AGAP1: variants seen among roughly 807,000 people sequenced by gnomAD.
The protein encoded by AGAP1 is arf-GAP with GTPase, ANK repeat and PH domain-containing protein 1.
In AGAP1, 29 loss-of-function variants were observed where a neutral mutation model predicts 105.3. The observed-to-expected ratio is 0.28, with a 90% CI of 0.21 to 0.38. AGAP1 has a LOEUF of 0.38. AGAP1 is among the 10% of genes least tolerant of loss of function. The pLI is 1.00. For synonymous variants in AGAP1, 509 were observed against 485.9 expected (o/e 1.05, Z -0.63); for missense variants, 998 against 1,165.1 (o/e 0.86, Z 2.09).
intron 16 of AGAP1, among the ~76,000 whole-genome samples, chr2:236,065,081 G>A (rs947779951): frequency 3.3e-5 from 5 of 152,244 alleles, no homozygotes; most frequent in Admixed American, 6.5e-5. Context: ...TGCTGGAGAG[G>A]TGAGGCAGAT....
chr2:236,116,413 A>C lies in AGAP1; in HGVS notation c.2115-3779A>C, dbSNP rs528074961. On this transcript the variant is annotated intron_variant, in intron 16 of 17. Coordinates refer to ENST00000304032, the MANE Select transcript of AGAP1 (RefSeq NM_001037131.3). ...CGCCCACGCTGGAGTGCAGTGACGC[A>C]GTCTTGGCTCACTGCAACCTCTGCC... is the stretch of plus-strand genomic sequence containing the variant. Among the ~76,000 whole-genome samples, 4 of 146,314 alleles carry C rather than the reference A, an allele frequency of 2.7e-5. No individual in the cohort carries two copies. The South Asian group carries it at 6.6e-4, about 24-fold the overall frequency.
chr2:235,505,625 A>G (rs1214064354), intron 1 of AGAP1: 1 of 152,192 alleles, frequency 6.6e-6, no homozygotes, highest in Non-Finnish European at 1.5e-5. Flanking sequence ...CCCAGGAGCC[A>G]CTGATACAGG....
intron 9 of AGAP1, among the ~76,000 whole-genome samples, chr2:235,810,840 T>C (rs1409788536): frequency 6.7e-6 from 1 of 150,344 alleles, no homozygotes; most frequent in African/African-American, 2.5e-5. Context: ...TTTCTTTTTT[T>C]TTTTTTTTTT....
chr2:236,113,105 G>A lies in AGAP1; in HGVS notation c.2115-7087G>A, dbSNP rs989668684. On this transcript the variant is annotated intron_variant, in intron 16 of 17. Transcript: ENST00000304032. The surrounding 1 kb of genome is among the most constrained non-coding windows in gnomAD (Gnocchi z 4.3). ...CCCAAAATACGGCCACCACTCTGCC[G>A]TCACGTGTGCATCTTGTTCCACATT... Among the ~76,000 whole-genome samples, 25 of 152,194 alleles carry A rather than the reference G, an allele frequency of 1.6e-4. No individual in the cohort carries two copies. The highest frequency in any genetic ancestry group is 8.5e-4 in the Admixed American group (13 of 15,276).
chr2:235,816,147 G>A (rs1010036630), intron 9 of AGAP1, among the ~76,000 whole-genome samples: 2 of 152,196 alleles, frequency 1.3e-5, no homozygotes, highest in African/African-American at 4.8e-5. Context: ...ATTACTGAAA[G>A]AAAGATACAG....
In AGAP1 at chr2:236,092,030, G is replaced by A. The variant is rs77849254; in HGVS notation, c.2115-28162G>A. 7.8e-3 allele frequency among the ~76,000 whole-genome samples: 1,182 copies of A among 152,306 alleles called. 10 individuals carry two copies. Among genetic ancestry groups the A allele is most frequent in the Non-Finnish European group, 0.01 (713 of 68,034 alleles). On this transcript the variant is annotated intron_variant, in intron 16 of 17. Transcript: ENST00000304032. The surrounding 1 kb of genome is among the most constrained non-coding windows in gnomAD (Gnocchi z 4.7). Reference sequence around the variant, plus strand: ...AAAAAAGCCTGTCCCAAAAGATTACGTGCTGTAGGATTCCATTTATGTATC... The same window carrying A: ...AAAAAAGCCTGTCCCAAAAGATTACATGCTGTAGGATTCCATTTATGTATC...
chr2:235,910,926 AATCT>A (rs1258390645), intron 11 of AGAP1, among the ~76,000 whole-genome samples: 1 of 152,126 alleles, frequency 6.6e-6, no homozygotes, highest in African/African-American at 2.4e-5. Flanking sequence ...AAAAAAAAAA[AATCT>A]ATCAAGCACC....
intron 13 of AGAP1, among the ~76,000 whole-genome samples, chr2:235,969,081 A>T (rs1291568432): frequency 6.6e-6 from 1 of 152,224 alleles, no homozygotes; most frequent in Non-Finnish European, 1.5e-5. Context: ...GCAACGTGTT[A>T]TGATAAACAC....
intron 11 of AGAP1, among the ~76,000 whole-genome samples, chr2:235,923,476 G>A (rs2125114685): frequency 6.6e-6 from 1 of 152,234 alleles, no homozygotes; most frequent in African/African-American, 2.4e-5. Context: ...GCAGCAGGTA[G>A]CCAGCCCTCA....
rs747609712 is a variant in AGAP1 at position 236,049,139 on chromosome 2, C to G, written c.1972C>G (p.Leu658Val). 6.2e-7 allele frequency: 1 copy of G among 1,614,240 alleles called. No homozygotes were observed. The highest frequency in any genetic ancestry group is 1.3e-5 in the African/African-American group (1 of 75,064). The change falls in exon 16 of 18, where the codon CTT (leucine) becomes GTT (valine). Residue 658 changes from leucine to valine, a missense_variant. By Grantham distance (32) the Leu-to-Val change is conservative. Transcript: ENST00000304032. ...SGIHRNLGTH[L>V]SRVRSLDLDD... Reference sequence around the variant, plus strand: ...GATCCACCGGAATCTTGGCACCCACCTTTCCCGAGTCCGATCTCTGGACCT... The same window carrying G: ...GATCCACCGGAATCTTGGCACCCACGTTTCCCGAGTCCGATCTCTGGACCT...
At chr2:236,007,088 G>GA in intron 13 of AGAP1, among the ~76,000 whole-genome samples, 1 of 502 alleles carries the variant, frequency 2.0e-3, no homozygotes, top group East Asian at 0.25. Flanking sequence ...TTTAAAGGAA[G>GA]GATTTCCATA....
chr2:235,912,111 G>A (rs139980530), intron 11 of AGAP1, among the ~76,000 whole-genome samples: 84 of 152,332 alleles, frequency 5.5e-4, no homozygotes, highest in African/African-American at 1.9e-3. Context: ...AGGCACTTCT[G>A]TAAGAGGAAG....
In AGAP1 at chr2:236,008,659, G is replaced by A. The variant is rs10183525; in HGVS notation, c.1646-27902G>A. Among the ~76,000 whole-genome samples the A allele has an allele frequency of 8.2e-3, 1,249 of 152,242 alleles. 13 individuals carry two copies. The highest frequency in any genetic ancestry group is 0.029 in the African/African-American group (1,185 of 41,528). On this transcript the variant is annotated intron_variant, in intron 13 of 17. Transcript: ENST00000304032. ...ACTTCTGGTTTTATTGCATATCCTG[G>A]AGGTCTTGCTTCGTTTTTATTTTCC... is the stretch of plus-strand genomic sequence containing the variant.
intron 6 of AGAP1, among the ~76,000 whole-genome samples, chr2:235,790,407 C>T (rs1030507999): frequency 9.9e-5 from 15 of 152,066 alleles, no homozygotes; most frequent in Admixed American, 9.2e-4. Flanking sequence ...CTCGGGAAAC[C>T]GCTGGAACCA....
rs2052086588 is a variant in AGAP1, at chr2:235,919,843, C to T, written c.1325-10922C>T. On this transcript the variant is annotated intron_variant, in intron 11 of 17. Coordinates refer to ENST00000304032, the MANE Select transcript of AGAP1 (RefSeq NM_001037131.3). This position sits in a 1 kb window ranked among gnomAD's most constrained non-coding sequence, Gnocchi z 4.1. ...TTCTTCTCCGTCTTCACAATGCTTA[C>T]ACCCCTCATCCTCGCTGTTGCATCA... 6.6e-6 allele frequency among the ~76,000 whole-genome samples: 1 copy of T among 152,192 alleles called. No homozygotes were observed. Among genetic ancestry groups the T allele is most frequent in the Non-Finnish European group, 1.5e-5 (1 of 68,036 alleles).
chr2:236,017,272 G>A (rs1312614925), intron 13 of AGAP1, among the ~76,000 whole-genome samples: 45 of 143,344 alleles, frequency 3.1e-4, no homozygotes, highest in Middle Eastern at 4.0e-3. Context: ...CAGCCTGGAC[G>A]ACAGAGCGAG....
intron 1 of AGAP1, among the ~76,000 whole-genome samples, chr2:235,536,656 CA>C (rs1943245638): frequency 2.6e-5 from 4 of 151,440 alleles, no homozygotes; most frequent in Admixed American, 6.6e-5. Context: ...CACACACACA[CA>C]CACACACACA....
rs1025028961 is a variant in AGAP1, at chr2:235,830,418, T to G, written c.1050+23087T>G. On this transcript the variant is annotated intron_variant, in intron 9 of 17. Coordinates refer to ENST00000304032, the MANE Select transcript of AGAP1 (RefSeq NM_001037131.3). This position sits in a 1 kb window ranked among gnomAD's most constrained non-coding sequence, Gnocchi z 5.5. ...AATCAAGGCCAGTGAATTTTCTGAT[T>G]GCAGGCACTTCAAAGCCGTCAGTTC... Among the ~76,000 whole-genome samples, 2 of 152,234 alleles carry G rather than the reference T, an allele frequency of 1.3e-5. No individual in the cohort carries two copies. The highest frequency in any genetic ancestry group is 1.5e-5 in the Non-Finnish European group (1 of 68,046).
intron 1 of AGAP1, among the ~76,000 whole-genome samples, chr2:235,504,151 CT>C (rs111875133): frequency 2.7e-4 from 41 of 149,542 alleles, no homozygotes; most frequent in South Asian, 1.9e-3. Context: ...CTCGAACTCT[CT>C]TTTTTTTTTG....
Sources: gnomAD v4.1 joint callset for allele counts (sites outside exome capture counted in the v4.1 genomes callset) on GRCh38, gnomAD v4.1.1 for gene constraint, Gnocchi (gnomAD v3.1) non-coding constraint, MANE v1.5 for transcripts, NCBI Gene and HGNC (gene_info 2026-07-23, HGNC 2026-07-21) for gene names.